GPALPP1: variants seen among roughly 807,000 people sequenced by gnomAD.
GPALPP1 encodes the protein GPALPP motifs containing 1.
In GPALPP1, 30 loss-of-function variants were observed where a neutral mutation model predicts 38.9. The observed-to-expected ratio is 0.77, with a 90% CI of 0.58 to 1.05. GPALPP1 has a LOEUF of 1.05. GPALPP1 is among the 50% of genes least tolerant of loss of function. The probability of loss-of-function intolerance (pLI) is 0.00; values close to 1 mark genes in which losing one functional copy is unlikely to be tolerated. For missense variants in GPALPP1, 384 were observed against 408.8 expected, an observed-to-expected ratio of 0.94 and a Z score of 0.52; for synonymous variants, 120 against 139.2, an observed-to-expected ratio of 0.86 and a Z score of 0.97.
At chr13:45,013,849 A>G (rs940778181) in intron 4 of GPALPP1, among the ~76,000 whole-genome samples, 1 of 152,210 alleles carries the variant, frequency 6.6e-6, no homozygotes, top group African/African-American at 2.4e-5. Flanking sequence ...TTCTATTGTA[A>G]TTCTGGATAA....
chr13:45,036,190 G>A lies in GPALPP1; in HGVS notation c.*2955G>A, dbSNP rs1435924126. ...AAGAATGGATTGTCACTTCTCTTGA[G>A]TGAATGCCTAAAAGCATTCACCCTT... On this transcript the variant is annotated 3_prime_UTR_variant, in exon 8 of 8. Coordinates refer to the GPALPP1 transcript ENST00000357537. The A allele has an allele frequency of 3.9e-5, 6 of 152,162 alleles. No individual in the cohort carries two copies. In the East Asian group the frequency reaches 1.2e-3, roughly 29 times the overall value. The allele number at this position is 152,162 out of a possible 1,614,324, so 9.4% of individuals were successfully genotyped here.
At chr13:44,993,611 G>A (rs1476096222) in intron 1 of GPALPP1, among the ~76,000 whole-genome samples, 1 of 151,916 alleles carries the variant, frequency 6.6e-6, no homozygotes, top group Non-Finnish European at 1.5e-5. Flanking sequence ...GTACCTGGGA[G>A]GTAGAGGTTG....
At chr13:45,007,461 G>C (rs975796052) in intron 3 of GPALPP1, among the ~76,000 whole-genome samples, 5 of 151,970 alleles carry the variant, frequency 3.3e-5, no homozygotes, top group African/African-American at 1.2e-4. Context: ...AATCCCCTGA[G>C]GCCAGAAAGT....
intron 7 of GPALPP1, 94 bp from the exon 8 acceptor site, chr13:45,027,691 G>A: frequency 1.6e-6 from 1 of 612,212 alleles, no homozygotes. Flanking sequence ...TCCTTAATGT[G>A]CACCATTACT....
Position 45,001,170 on chromosome 13 carries a change from A to T in GPALPP1, c.89-3135A>T, listed in dbSNP as rs148340196. ...TCTCGTGATAGTGAGTTCTCATGAG[A>T]TCTGATAGTTTTATAAGGGGCTTCT... On this transcript the variant is annotated intron_variant, in intron 1 of 7. Transcript: ENST00000379151. Among the ~76,000 whole-genome samples, 397 of 152,172 alleles carry T rather than the reference A, an allele frequency of 2.6e-3. 3 individuals are homozygous for T. Among genetic ancestry groups the T allele is most frequent in the Non-Finnish European group, 4.8e-3 (324 of 68,006 alleles).
intron 3 of GPALPP1, among the ~76,000 whole-genome samples, chr13:45,008,545 C>G (rs1459261330): frequency 2.0e-5 from 3 of 151,998 alleles, no homozygotes; most frequent in Non-Finnish European, 4.4e-5. Context: ...GCCAGTGTCA[C>G]AAAGATTGAG....
chr13:44,997,064 A>G (rs1873346130), intron 1 of GPALPP1, among the ~76,000 whole-genome samples: 1 of 150,582 alleles, frequency 6.6e-6, no homozygotes, highest in African/African-American at 2.4e-5. Flanking sequence ...TAAGTACATC[A>G]TTTGAGTGGA....
At chr13:45,027,764 C>T (rs1292334805) in intron 7 of GPALPP1, 21 bp from the exon 8 acceptor site, 2 of 1,099,700 alleles carry the variant, frequency 1.8e-6, no homozygotes, top group Admixed American at 1.9e-5. Flanking sequence ...GTTTTTATTT[C>T]TGCTCTCCTG....
intron 1 of GPALPP1, among the ~76,000 whole-genome samples, chr13:44,996,299 G>A (rs1873263255): frequency 6.6e-6 from 1 of 151,420 alleles, no homozygotes. Flanking sequence ...AGGTTGCAGT[G>A]AGCTGTGATC....
chr13:45,025,581 TCCTC>T (rs1171723276), intron 7 of GPALPP1, among the ~76,000 whole-genome samples: 2 of 152,022 alleles, frequency 1.3e-5, no homozygotes, highest in African/African-American at 4.8e-5. Context: ...ATCATTTAAC[TCCTC>T]CCTCCCTCCC....
Position 45,004,315 on chromosome 13 carries a change from A to G in GPALPP1, c.99A>G (p.Pro33=), listed in dbSNP as rs753281786. The stretch of plus-strand genomic sequence containing the variant: ...ACAAGTGTTCTTTAGTTGCAGGACC[A>G]GCTCTGCCCCCTAATTATAAAAGCA... The part of the protein sequence containing the change: ...EERDPSPVAG[P]ALPPNYKSSS... Residue 33 remains proline (P), a synonymous_variant, in exon 2 of 8, where the codon CCA becomes CCG. Coordinates refer to ENST00000379151, the MANE Select transcript of GPALPP1 (RefSeq NM_018559.5). 7.8e-5 allele frequency: 125 copies of G among 1,611,944 alleles called. No individual in the cohort carries two copies. The East Asian group carries it at 2.8e-3, about 36-fold the overall frequency.
chr13:44,994,810 A>G (rs193025439), intron 1 of GPALPP1, among the ~76,000 whole-genome samples: 1 of 152,176 alleles, frequency 6.6e-6, no homozygotes. Flanking sequence ...ATCACATTAT[A>G]TATATCGTTA....
rs1875306448 is a variant in GPALPP1 at position 45,020,183 on chromosome 13, G to T, written c.706-147G>T. The T allele has an allele frequency of 2.1e-5, 10 of 480,650 alleles. No homozygotes were observed. In the South Asian group the frequency reaches 2.1e-4, roughly 10 times the overall value. 29.8% of individuals were successfully genotyped at this position (480,650 alleles called of 1,614,324 possible). On this transcript the variant is annotated intron_variant, in intron 6 of 7. Transcript: ENST00000379151. ...GGCGTGAGTCACTATGCCCGGCAAA[G>T]TATGTTAATATTTCTGATCAGAAGG...
intron 7 of GPALPP1, among the ~76,000 whole-genome samples, chr13:45,021,501 A>G (rs1189972802): frequency 2.6e-5 from 4 of 152,080 alleles, no homozygotes; most frequent in African/African-American, 9.7e-5. Context: ...AAAACCCACT[A>G]TGGCCAGATG....
downstream of GPALPP1, chr13:45,031,521 T>C (rs935828788): frequency 6.6e-6 from 1 of 152,230 alleles, no homozygotes; most frequent in Admixed American, 6.5e-5. Context: ...ATTTACTGTT[T>C]CATCCCTCAC....
intron 3 of GPALPP1, 66 bp from the exon 4 acceptor site, chr13:45,008,729 A>G: frequency 1.2e-6 from 1 of 824,578 alleles, no homozygotes; most frequent in Non-Finnish European, 2.0e-6. Context: ...TATTTTTGTG[A>G]ACTTTTATTC....
chr13:45,033,589 A>C (rs1876305103), downstream of GPALPP1: 2 of 152,214 alleles, frequency 1.3e-5, no homozygotes, highest in African/African-American at 4.8e-5. Context: ...ATGTATAAAT[A>C]AAGTTTTATC....
intron 6 of GPALPP1, among the ~76,000 whole-genome samples, chr13:45,017,656 G>A (rs1874971012): frequency 6.6e-6 from 1 of 152,168 alleles, no homozygotes. Flanking sequence ...AGCCAGATAT[G>A]TAGGGAGTCT....
At chr13:45,031,051 G>A (rs1876173126), downstream of GPALPP1, 1 of 152,180 alleles carries the variant, frequency 6.6e-6, no homozygotes, top group Admixed American at 6.5e-5. Flanking sequence ...AGCTACTCAG[G>A]AGGCTGAAGC....
Sources: allele counts gnomAD v4.1 joint callset (sites outside exome capture counted in the v4.1 genomes callset), GRCh38; gene constraint gnomAD v4.1.1; transcripts MANE v1.5; gene names NCBI Gene and HGNC (gene_info 2026-07-23, HGNC 2026-07-21).